The following CFAP61 variants were observed in gnomAD, a reference collection of about 807,000 sequenced individuals.
The protein encoded by CFAP61 is cilia- and flagella-associated protein 61.
CFAP61 carries 107 observed loss-of-function variants against 135.6 expected under a neutral mutation model. The observed-to-expected ratio is 0.79, with a 90% CI of 0.67 to 0.93. The LOEUF (loss-of-function observed/expected upper bound fraction) is 0.93, where lower values mean the gene tolerates loss of function less well. Among genes scored for constraint, CFAP61 ranks in the 40% least tolerant of loss-of-function variants. The pLI, the probability that CFAP61 is intolerant of heterozygous loss-of-function variation, is 0.00. For synonymous variants in CFAP61, 575 were observed against 578.5 expected (o/e 0.99, Z 0.09); for missense variants, 1,507 against 1,556.2 (o/e 0.97, Z 0.53).
At chr20:20,323,253 T>C in intron 25 of CFAP61, 2 of 985,452 alleles carry the variant, frequency 2.0e-6, no homozygotes, top group Non-Finnish European at 2.4e-6. Flanking sequence ...TTATTCAGCC[T>C]TCGTCTTCGA....
intron 15 of CFAP61, among the ~76,000 whole-genome samples, chr20:20,195,869 A>G (rs2056245125): frequency 1.3e-5 from 2 of 152,168 alleles, no homozygotes; most frequent in Non-Finnish European, 2.9e-5. Context: ...ACTTGAGGCC[A>G]GGAGTTCAAG....
At chr20:20,168,865 C>A (rs2054019174) in intron 12 of CFAP61, among the ~76,000 whole-genome samples, 1 of 152,152 alleles carries the variant, frequency 6.6e-6, no homozygotes, top group Non-Finnish European at 1.5e-5. Flanking sequence ...TATGGATAAT[C>A]ACAGAATTTT....
At chr20:20,186,709 T>C (rs1341840303) in intron 13 of CFAP61, among the ~76,000 whole-genome samples, 1 of 152,214 alleles carries the variant, frequency 6.6e-6, no homozygotes, top group African/African-American at 2.4e-5. Context: ...GATACAGATA[T>C]TGTTCTTTGC....
intron 6 of CFAP61, among the ~76,000 whole-genome samples, chr20:20,090,554 G>A (rs149369756): frequency 0.036 from 5,501 of 151,962 alleles, 276 homozygotes; most frequent in African/African-American, 0.11. Flanking sequence ...GCTGGGCGTG[G>A]TGGTGCATGC....
At chr20:20,318,545 C>T (rs995143341) in intron 25 of CFAP61, among the ~76,000 whole-genome samples, 6 of 152,168 alleles carry the variant, frequency 3.9e-5, no homozygotes, top group Admixed American at 1.3e-4. Flanking sequence ...TTTGAAACGC[C>T]GTTGGCCCTT....
At chr20:20,334,201 A>G (rs1266031700) in intron 25 of CFAP61, among the ~76,000 whole-genome samples, 2 of 152,122 alleles carry the variant, frequency 1.3e-5, no homozygotes, top group East Asian at 1.9e-4. Context: ...ATCTCAGCTC[A>G]CTGCAACCTC....
At chr20:20,186,999 A>G (rs1413013758) in intron 13 of CFAP61, among the ~76,000 whole-genome samples, 1 of 152,130 alleles carries the variant, frequency 6.6e-6, no homozygotes, top group Non-Finnish European at 1.5e-5. Context: ...CATGGCAAAC[A>G]GGCATCCAAC....
At chr20:20,269,682 T>C (rs1376461394) in intron 21 of CFAP61, among the ~76,000 whole-genome samples, 1 of 152,248 alleles carries the variant, frequency 6.6e-6, no homozygotes, top group Non-Finnish European at 1.5e-5. Flanking sequence ...TGTTTTTTAA[T>C]GAGTGTTTAT....
chr20:20,284,883 TA>T (rs1170006830), intron 22 of CFAP61, among the ~76,000 whole-genome samples: 10 of 152,346 alleles, frequency 6.6e-5, no homozygotes, highest in African/African-American at 2.4e-4. Flanking sequence ...GATACTCAGA[TA>T]TTTACTAATT....
intron 17 of CFAP61, among the ~76,000 whole-genome samples, chr20:20,201,729 G>A (rs984319466): frequency 6.6e-6 from 1 of 152,202 alleles, no homozygotes; most frequent in African/African-American, 2.4e-5. Flanking sequence ...GAAGTACATG[G>A]ATGTGCCAGG....
chr20:20,269,292 G>C (rs2053146623), intron 21 of CFAP61, among the ~76,000 whole-genome samples: 1 of 148,156 alleles, frequency 6.7e-6, no homozygotes, highest in South Asian at 2.1e-4. Flanking sequence ...AAAAGAATAG[G>C]TAAATATGCA....
rs1288783512 is a variant in CFAP61, at chr20:20,251,674, A to G, written c.2239A>G (p.Ile747Val). 4 of 1,614,258 alleles carry G rather than the reference A, an allele frequency of 2.5e-6. No homozygotes were observed. Among genetic ancestry groups the G allele is most frequent in the Non-Finnish European group, 3.4e-6 (4 of 1,180,042 alleles). The part of the protein sequence containing the change: ...VNVVVGRMTG[I>V]DRAAKHVVLS... ...TGTCGTGGTGGGTAGAATGACCGGC[A>G]TAGACCGAGCAGCCAAGCACGTTGT... The change falls in exon 20 of 27, where the codon ATA becomes GTA. Residue 747 changes from isoleucine to valine, a missense_variant. Coordinates refer to ENST00000245957, the MANE Select transcript of CFAP61 (RefSeq NM_015585.4).
At chr20:20,069,753 G>A (rs200183) in intron 2 of CFAP61, 343,992 of 455,096 alleles carry the variant, frequency 0.76, 131,114 homozygotes, top group East Asian at 0.97. Flanking sequence ...AGATTTTCTC[G>A]TTCTTGTCTG....
intron 2 of CFAP61, among the ~76,000 whole-genome samples, chr20:20,063,945 A>T (rs990182043): frequency 6.6e-6 from 1 of 152,182 alleles, no homozygotes; most frequent in East Asian, 1.9e-4. Flanking sequence ...TAAAGTACCT[A>T]GTATAAAACT....
intron 8 of CFAP61, among the ~76,000 whole-genome samples, chr20:20,137,375 T>C (rs2051015045): frequency 6.6e-6 from 1 of 152,188 alleles, no homozygotes; most frequent in African/African-American, 2.4e-5. Flanking sequence ...AGAGATGCTG[T>C]CTGGGAGCCA....
chr20:20,226,683 C>T (rs1221715604), intron 17 of CFAP61, among the ~76,000 whole-genome samples: 1 of 152,138 alleles, frequency 6.6e-6, no homozygotes, highest in Non-Finnish European at 1.5e-5. Context: ...ACGTTTACAC[C>T]ACGTGCCATC....
intron 17 of CFAP61, among the ~76,000 whole-genome samples, chr20:20,200,475 A>G (rs1323041203): frequency 6.6e-6 from 1 of 152,262 alleles, no homozygotes; most frequent in Non-Finnish European, 1.5e-5. Context: ...TTGGGAGAAC[A>G]GGAAAAAGGA....
chr20:20,299,658 G>T (rs750558383), intron 25 of CFAP61, among the ~76,000 whole-genome samples: 2 of 152,194 alleles, frequency 1.3e-5, no homozygotes, highest in Non-Finnish European at 2.9e-5. Flanking sequence ...GCTTACCAAA[G>T]AAAGCGAGCA....
rs1250821666 is a variant in CFAP61, at chr20:20,187,946, T to C, written c.1402T>C (p.Phe468Leu). ...AGLLKSINIR[F>L]ATLLDTPGVE... ...CTTACCCAGGTCCATTAATATAAGATTTGCCACTCTCTTGGATACTCCTGG... is the reference window on the plus strand; with the variant it reads ...CTTACCCAGGTCCATTAATATAAGACTTGCCACTCTCTTGGATACTCCTGG... The change falls in exon 14 of 27, where the codon TTT becomes CTT. Residue 468 changes from phenylalanine to leucine, a missense_variant. Coordinates refer to ENST00000245957, the MANE Select transcript of CFAP61 (RefSeq NM_015585.4). 2 of 1,613,392 alleles carry C rather than the reference T, an allele frequency of 1.2e-6. No individual in the cohort carries two copies. Among genetic ancestry groups the C allele is most frequent in the Non-Finnish European group, 1.7e-6 (2 of 1,179,304 alleles).
Sources: allele counts gnomAD v4.1 joint callset (sites outside exome capture counted in the v4.1 genomes callset), GRCh38; gene constraint gnomAD v4.1.1; transcripts MANE v1.5; gene names NCBI Gene and HGNC (gene_info 2026-07-23, HGNC 2026-07-21).